MYT1L: variants seen among roughly 807,000 people sequenced by gnomAD.
MYT1L encodes myelin transcription factor 1 like, also known as myelin transcription factor 1-like protein.
A neutral mutation model predicts 126.7 loss-of-function variants in MYT1L; 12 were observed. The ratio of observed to expected loss-of-function variants is 0.09; its 90% confidence interval spans 0.06 to 0.15. The LOEUF is 0.15. MYT1L is among the 10% of genes least tolerant of loss of function. The probability of loss-of-function intolerance (pLI) is 1.00; values close to 1 mark genes in which losing one functional copy is unlikely to be tolerated. For synonymous variants in MYT1L, 541 were observed against 604.2 expected, an observed-to-expected ratio of 0.90 and a Z score of 1.53; for missense variants, 979 against 1,585.2, an observed-to-expected ratio of 0.62 and a Z score of 6.49.
intron 4 of MYT1L, among the ~76,000 whole-genome samples, chr2:2,012,374 C>T (rs750101551): frequency 3.3e-5 from 5 of 152,160 alleles, no homozygotes; most frequent in Admixed American, 1.3e-4. Context: ...CACACGGCCA[C>T]GTCTAATGAT....
At chr2:1,835,900 C>A (rs988158107) in intron 21 of MYT1L, among the ~76,000 whole-genome samples, 3 of 152,206 alleles carry the variant, frequency 2.0e-5, no homozygotes, top group Non-Finnish European at 4.4e-5. Flanking sequence ...TCTGCATACA[C>A]GTGAATACTG....
At chr2:1,997,079 C>T (rs2061941987) in intron 5 of MYT1L, 112 bp downstream of exon 5, 1 of 143,104 alleles carries the variant, frequency 7.0e-6, no homozygotes, top group Non-Finnish European at 1.5e-5. Flanking sequence ...GGCCGCCCTG[C>T]CTCAGTGTGG....
chr2:1,796,852 T>C (rs73913410), intron 23 of MYT1L, among the ~76,000 whole-genome samples: 7,908 of 152,184 alleles, frequency 0.052, 255 homozygotes, highest in African/African-American at 0.076. Flanking sequence ...CTCTCAGCAC[T>C]CATGTGGTTC....
chr2:2,122,126 G>A (rs976568495), intron 3 of MYT1L, among the ~76,000 whole-genome samples: 4 of 152,214 alleles, frequency 2.6e-5, no homozygotes, highest in African/African-American at 9.6e-5. Context: ...ACTATCCAAT[G>A]TGACTAGCAA....
At chr2:2,282,687 T>C (rs902775506) in intron 2 of MYT1L, among the ~76,000 whole-genome samples, 1 of 152,218 alleles carries the variant, frequency 6.6e-6, no homozygotes, top group Admixed American at 6.5e-5. Flanking sequence ...ATCCAACTTA[T>C]GAAATTACAA....
intron 2 of MYT1L, among the ~76,000 whole-genome samples, chr2:2,281,136 G>A (rs937484199): frequency 6.6e-6 from 1 of 152,196 alleles, no homozygotes; most frequent in Non-Finnish European, 1.5e-5. Flanking sequence ...TCTCATGTTA[G>A]TAAGTAAATT....
chr2:1,870,256 T>C (rs546117675), intron 18 of MYT1L, among the ~76,000 whole-genome samples: 2 of 152,214 alleles, frequency 1.3e-5, no homozygotes, highest in Non-Finnish European at 2.9e-5. Flanking sequence ...GTCCTCAAGC[T>C]CTCTGTCCCA....
At chr2:2,028,784 C>T (rs2065909929) in intron 4 of MYT1L, among the ~76,000 whole-genome samples, 1 of 152,074 alleles carries the variant, frequency 6.6e-6, no homozygotes, top group Admixed American at 6.5e-5. Context: ...GACATCAGGA[C>T]AAAGCACTTT....
At chr2:1,947,698 T>C (rs376806395) in intron 8 of MYT1L, among the ~76,000 whole-genome samples, 3 of 152,058 alleles carry the variant, frequency 2.0e-5, no homozygotes, top group Middle Eastern at 3.2e-3. Context: ...GGGAAGGTAG[T>C]GGAGGAAGAG....
intron 5 of MYT1L, among the ~76,000 whole-genome samples, chr2:1,986,784 A>C (rs7608200): frequency 0.4 from 61,230 of 151,688 alleles, 15,096 homozygotes; most frequent in African/African-American, 0.7. Context: ...GGGTCGTCAG[A>C]TGCTGTGCAA....
At chr2:1,959,193 T>C (rs761333153) in intron 8 of MYT1L, among the ~76,000 whole-genome samples, 1 of 151,904 alleles carries the variant, frequency 6.6e-6, no homozygotes, top group Non-Finnish European at 1.5e-5. Context: ...AATGTTAAGG[T>C]GGAGAGTTTG....
At chr2:1,890,225 A>G (rs2048682877) in intron 15 of MYT1L, among the ~76,000 whole-genome samples, 1 of 152,102 alleles carries the variant, frequency 6.6e-6, no homozygotes. Context: ...TTGCACCACC[A>G]TGCCCAACTA....
chr2:2,079,331 T>G (rs1478679384), intron 3 of MYT1L, among the ~76,000 whole-genome samples: 1 of 152,214 alleles, frequency 6.6e-6, no homozygotes, highest in African/African-American at 2.4e-5. Context: ...ATTATATTGT[T>G]TTAAGAAATT....
chr2:1,839,758 AGATGTCGT>A (rs2041405680), intron 20 of MYT1L, among the ~76,000 whole-genome samples: 1 of 152,246 alleles, frequency 6.6e-6, no homozygotes, highest in African/African-American at 2.4e-5. Flanking sequence ...AACGTCAATA[AGATGTCGT>A]GGCATTATTT....
intron 3 of MYT1L, among the ~76,000 whole-genome samples, chr2:2,098,870 T>C (rs2077730595): frequency 6.6e-6 from 1 of 152,198 alleles, no homozygotes; most frequent in African/African-American, 2.4e-5. Flanking sequence ...CTTCTAAAGA[T>C]AGGTGGTGGG....
rs2063590731 is a variant in MYT1L at position 2,009,186 on chromosome 2, T to C, written c.-157-11839A>G. On this transcript the variant is annotated intron_variant, in intron 4 of 24. Coordinates refer to ENST00000647738, the MANE Select transcript of MYT1L (RefSeq NM_001303052.2). ...TTTTTTTCCTGGCTTCTTGGAGTTT[T>C]TTGTGGTTCTACAAACATTTTAGGA... 2.0e-5 allele frequency among the ~76,000 whole-genome samples: 3 copies of C among 152,034 alleles called. No homozygotes were observed. In the South Asian group the frequency reaches 6.2e-4, roughly 32 times the overall value.
chr2:1,908,532 G>A (rs1031630505), intron 13 of MYT1L, among the ~76,000 whole-genome samples: 1 of 152,214 alleles, frequency 6.6e-6, no homozygotes, highest in Non-Finnish European at 1.5e-5. Flanking sequence ...CAGCTTCTTG[G>A]GGGTCTGGCC....
At chr2:2,011,920 A>G (rs566869092) in intron 4 of MYT1L, among the ~76,000 whole-genome samples, 2 of 152,154 alleles carry the variant, frequency 1.3e-5, no homozygotes, top group Non-Finnish European at 2.9e-5. Flanking sequence ...CCCTCATTGC[A>G]CTTGAGGATG....
intron 4 of MYT1L, among the ~76,000 whole-genome samples, chr2:2,041,926 T>C (rs1447977600): frequency 6.6e-6 from 1 of 152,184 alleles, no homozygotes; most frequent in African/African-American, 2.4e-5. Flanking sequence ...CATAAAGAAA[T>C]AGTTTTGTGG....
Sources: allele counts gnomAD v4.1 joint callset (sites outside exome capture counted in the v4.1 genomes callset), GRCh38; gene constraint gnomAD v4.1.1; transcripts MANE v1.5; gene names NCBI Gene and HGNC (gene_info 2026-07-23, HGNC 2026-07-21).